The following PCDH9 variants were observed in gnomAD, a reference collection of about 807,000 sequenced individuals.
PCDH9 encodes protocadherin-9.
PCDH9 carries 24 observed loss-of-function variants against 70.6 expected under a neutral mutation model. The ratio of observed to expected loss-of-function variants is 0.34; its 90% CI spans 0.25 to 0.48. The LOEUF (loss-of-function observed/expected upper bound fraction) is 0.48, where lower values mean the gene tolerates loss of function less well. PCDH9 is among the 20% of genes least tolerant of loss of function. The pLI, the probability that PCDH9 is intolerant of heterozygous loss-of-function variation, is 0.99. For missense variants in PCDH9, 1,281 were observed against 1,503.6 expected, an observed-to-expected ratio of 0.85 and a Z score of 2.45; for synonymous variants, 562 against 558.5, an observed-to-expected ratio of 1.01 and a Z score of -0.09.
At chr13:66,590,988 T>C (rs1024927340) in intron 4 of PCDH9, among the ~76,000 whole-genome samples, 2 of 151,778 alleles carry the variant, frequency 1.3e-5, no homozygotes, top group East Asian at 1.9e-4. Context: ...AAAAGAAATA[T>C]AGAATTACAA....
At chr13:67,055,823 A>C (rs975831366) in intron 2 of PCDH9, among the ~76,000 whole-genome samples, 1 of 152,014 alleles carries the variant, frequency 6.6e-6, no homozygotes, top group Non-Finnish European at 1.5e-5. Context: ...AAACACTAAC[A>C]AAAATATTGT....
At chr13:66,593,832 A>G (rs2077067676) in intron 4 of PCDH9, among the ~76,000 whole-genome samples, 1 of 151,752 alleles carries the variant, frequency 6.6e-6, no homozygotes, top group Non-Finnish European at 1.5e-5. Flanking sequence ...CTTTGTTAAT[A>G]ATTTTCTTCA....
intron 3 of PCDH9, among the ~76,000 whole-genome samples, chr13:66,777,018 A>G (rs1220368580): frequency 1.3e-5 from 2 of 151,646 alleles, no homozygotes; most frequent in African/African-American, 4.8e-5. Context: ...TGAGAAAAAC[A>G]AGCAATGGGG....
chr13:66,541,542 CCTA>C (rs1334144286), intron 4 of PCDH9, among the ~76,000 whole-genome samples: 2 of 152,138 alleles, frequency 1.3e-5, no homozygotes, highest in East Asian at 3.8e-4. Flanking sequence ...CTTCTGACAG[CCTA>C]ATTTCAATCT....
At chr13:67,151,519 A>T (rs1369430436) in intron 2 of PCDH9, among the ~76,000 whole-genome samples, 1 of 152,136 alleles carries the variant, frequency 6.6e-6, no homozygotes, top group Non-Finnish European at 1.5e-5. Context: ...AAAAATAGGC[A>T]TAGTTTTGAC....
intron 4 of PCDH9, among the ~76,000 whole-genome samples, chr13:66,396,926 T>C (rs1030838259): frequency 2.6e-5 from 4 of 152,084 alleles, no homozygotes; most frequent in African/African-American, 9.7e-5. Flanking sequence ...ACCAAAATCA[T>C]TTGGATCAAT....
chr13:66,792,302 C>A (rs922764691), intron 3 of PCDH9, among the ~76,000 whole-genome samples: 2 of 152,086 alleles, frequency 1.3e-5, no homozygotes, highest in Admixed American at 1.3e-4. Context: ...TTTTATTAAA[C>A]ATAGAACATA....
At chr13:66,373,658 A>G (rs1235718453) in intron 4 of PCDH9, among the ~76,000 whole-genome samples, 2 of 152,126 alleles carry the variant, frequency 1.3e-5, no homozygotes, top group African/African-American at 4.8e-5. Context: ...ACCTTTAAAA[A>G]TGACCAGGAT....
At chr13:66,592,251 A>G (rs1336442392) in intron 4 of PCDH9, among the ~76,000 whole-genome samples, 2 of 151,738 alleles carry the variant, frequency 1.3e-5, no homozygotes, top group Admixed American at 6.6e-5. Flanking sequence ...AATTTCGGTT[A>G]ACTAGAATTC....
chr13:66,520,912 T>G (rs1029500738), intron 4 of PCDH9, among the ~76,000 whole-genome samples: 4 of 152,160 alleles, frequency 2.6e-5, no homozygotes, highest in Admixed American at 2.0e-4. Flanking sequence ...CAGAAGCTGG[T>G]GAGTTCTTGC....
At chr13:67,032,843 C>T (rs1302356486) in intron 2 of PCDH9, among the ~76,000 whole-genome samples, 2 of 152,166 alleles carry the variant, frequency 1.3e-5, no homozygotes, top group Admixed American at 1.3e-4. Context: ...AGCACAGCAA[C>T]TGCTGTGTTT....
intron 4 of PCDH9, among the ~76,000 whole-genome samples, chr13:66,570,538 G>C (rs968949511): frequency 6.6e-6 from 1 of 152,100 alleles, no homozygotes; most frequent in Non-Finnish European, 1.5e-5. Flanking sequence ...GTGTAAACTA[G>C]GAAAAGTGGA....
At chr13:66,913,966 T>C (rs914947487) in intron 2 of PCDH9, among the ~76,000 whole-genome samples, 4 of 151,980 alleles carry the variant, frequency 2.6e-5, no homozygotes, top group Admixed American at 6.6e-5. Flanking sequence ...CTCCACTTTC[T>C]TTCCAGAAAA....
At chr13:67,222,316 T>C (rs2089747895) in intron 2 of PCDH9, 1 of 148,908 alleles carries the variant, frequency 6.7e-6, no homozygotes, top group Non-Finnish European at 1.5e-5. Flanking sequence ...TCTTAACCTA[T>C]AAAGGCTAAT....
intron 2 of PCDH9, among the ~76,000 whole-genome samples, chr13:66,912,163 A>G (rs543617327): frequency 2.8e-4 from 42 of 152,308 alleles, no homozygotes; most frequent in African/African-American, 9.4e-4. Context: ...CTAGGAATTT[A>G]AGGGTGAACA....
intron 4 of PCDH9, among the ~76,000 whole-genome samples, chr13:66,378,538 C>T (rs1295188599): frequency 6.6e-6 from 1 of 152,116 alleles, no homozygotes; most frequent in Admixed American, 6.5e-5. Context: ...AACCTGAAAA[C>T]CTGTTTTTAG....
chr13:66,628,341 GACAA>G (rs1593803062), intron 4 of PCDH9, among the ~76,000 whole-genome samples: 2 of 152,134 alleles, frequency 1.3e-5, no homozygotes, highest in East Asian at 3.9e-4. Context: ...CAAATAAACA[GACAA>G]ACAAAAAATG....
intron 2 of PCDH9, among the ~76,000 whole-genome samples, chr13:66,932,085 C>T (rs994073113): frequency 1.3e-4 from 20 of 152,116 alleles, no homozygotes; most frequent in South Asian, 2.1e-4. Flanking sequence ...TACCTGTGAT[C>T]GTAACAGGAA....
At chr13:66,904,923 T>C (rs906555000) in intron 2 of PCDH9, among the ~76,000 whole-genome samples, 3 of 152,016 alleles carry the variant, frequency 2.0e-5, no homozygotes, top group African/African-American at 7.2e-5. Context: ...ATAAGCCTTT[T>C]AGCATGAAAA....
Sources: allele counts gnomAD v4.1 joint callset (sites outside exome capture counted in the v4.1 genomes callset), GRCh38; gene constraint gnomAD v4.1.1; transcripts MANE v1.5; gene names NCBI Gene and HGNC (gene_info 2026-07-23, HGNC 2026-07-21).